Variants in NTN1 observed in about 807,000 individuals in gnomAD.
NTN1 encodes netrin 1, also known as netrin-1.
NTN1 carries 11 observed loss-of-function variants against 54.2 expected under a neutral mutation model. The ratio of observed to expected loss-of-function variants is 0.20; its 90% CI spans 0.13 to 0.34. NTN1 has a LOEUF of 0.34. NTN1 is among the 10% of genes least tolerant of loss of function. The pLI is 1.00. For missense variants in NTN1, 740 were observed against 893.1 expected (o/e 0.83, Z 2.18); for synonymous variants, 371 against 382.0 (o/e 0.97, Z 0.33).
chr17:9,230,166 A>G (rs1905757665), intron 6 of NTN1, among the ~76,000 whole-genome samples: 2 of 152,172 alleles, frequency 1.3e-5, no homozygotes, highest in Admixed American at 6.5e-5. Flanking sequence ...TGGACAGGTT[A>G]TCAGCCCCTT....
At chr17:9,075,642 G>A (rs1016951216) in intron 2 of NTN1, among the ~76,000 whole-genome samples, 5 of 152,220 alleles carry the variant, frequency 3.3e-5, no homozygotes, top group Admixed American at 6.5e-5. Context: ...CAAGCTCATC[G>A]TCATTGCCCC....
chr17:9,064,992 A>C (rs1244741680), intron 2 of NTN1, among the ~76,000 whole-genome samples: 1 of 152,126 alleles, frequency 6.6e-6, no homozygotes, highest in Non-Finnish European at 1.5e-5. Flanking sequence ...GCTGGAGTGC[A>C]GTGGTGCAAT....
intron 2 of NTN1, among the ~76,000 whole-genome samples, chr17:9,057,413 A>G (rs2091982792): frequency 1.3e-5 from 2 of 152,030 alleles, no homozygotes; most frequent in Admixed American, 6.6e-5. Flanking sequence ...TCTGTTTCCT[A>G]GTGATTGCCC....
At chr17:9,059,140 G>A (rs901871570) in intron 2 of NTN1, among the ~76,000 whole-genome samples, 1 of 152,050 alleles carries the variant, frequency 6.6e-6, no homozygotes, top group African/African-American at 2.4e-5. Context: ...CTACGTGGCC[G>A]GCACATGCTG....
intron 2 of NTN1, among the ~76,000 whole-genome samples, chr17:9,092,455 T>A (rs754378031): frequency 6.6e-6 from 1 of 150,516 alleles, no homozygotes; most frequent in Non-Finnish European, 1.5e-5. Context: ...GCCTGGGTAA[T>A]TTTTGTATTT....
Position 9,182,977 on chromosome 17 carries a change from G to T in NTN1, c.1411+8G>T, listed in dbSNP as rs374154654. ...GCGTGGAGGAGCCTGAAGGTAAACG[G>T]CCCCCTTCGCTTCTCATTTCCCGCT... is the stretch of plus-strand genomic sequence containing the variant. On this transcript the variant is annotated splice_region_variant and intron_variant, in intron 5 of 6. Coordinates refer to ENST00000173229, the MANE Select transcript of NTN1 (RefSeq NM_004822.3). The T allele has an allele frequency of 1.2e-5, 19 of 1,612,850 alleles. No individual in the cohort carries two copies. Among genetic ancestry groups the T allele is most frequent in the Non-Finnish European group, 1.6e-5 (19 of 1,179,410 alleles).
At chr17:9,164,298 G>T (rs367695474) in intron 3 of NTN1, among the ~76,000 whole-genome samples, 23 of 152,298 alleles carry the variant, frequency 1.5e-4, no homozygotes, top group Middle Eastern at 6.8e-3. Context: ...GGTGGCGGTT[G>T]CCTGTAATCC....
upstream of NTN1, among the ~76,000 whole-genome samples, chr17:9,021,296 C>T (rs1374645895): frequency 1.3e-5 from 2 of 151,978 alleles, no homozygotes; most frequent in Non-Finnish European, 2.9e-5. Context: ...GGGTGCTCTC[C>T]TCGCTTTCTC....
intron 2 of NTN1, among the ~76,000 whole-genome samples, chr17:9,039,605 C>T (rs993087092): frequency 7.2e-5 from 11 of 152,270 alleles, no homozygotes; most frequent in African/African-American, 2.6e-4. Flanking sequence ...TCACCACAAT[C>T]AAGATAAATA....
At chr17:9,115,319 G>A (rs1391657078) in intron 2 of NTN1, among the ~76,000 whole-genome samples, 1 of 152,228 alleles carries the variant, frequency 6.6e-6, no homozygotes, top group African/African-American at 2.4e-5. Context: ...ATAGGCAATG[G>A]AGGTGGTTTT....
intron 2 of NTN1, among the ~76,000 whole-genome samples, chr17:9,133,330 C>T (rs570551521): frequency 6.6e-6 from 1 of 152,336 alleles, no homozygotes; most frequent in African/African-American, 2.4e-5. Flanking sequence ...TGTGCCAAGA[C>T]CAGGAGGTCA....
chr17:9,214,463 T>G (rs1047241606), intron 5 of NTN1, among the ~76,000 whole-genome samples: 11 of 152,204 alleles, frequency 7.2e-5, no homozygotes, highest in African/African-American at 2.4e-4. Context: ...TTTCCACTCT[T>G]GGTTCGTTTC....
At chr17:9,092,314 C>T (rs997836656) in intron 2 of NTN1, among the ~76,000 whole-genome samples, 30 of 131,474 alleles carry the variant, frequency 2.3e-4, no homozygotes, top group Non-Finnish European at 3.8e-4. Context: ...ATTTTCTTTT[C>T]TTCTCTTTTT....
At chr17:9,017,051 A>G (rs117019043), upstream of NTN1, among the ~76,000 whole-genome samples, 2 of 152,312 alleles carry the variant, frequency 1.3e-5, no homozygotes, top group East Asian at 3.9e-4. Context: ...AGACACTTGG[A>G]GACCACCTGA....
At chr17:9,095,004 A>AAAAAAAAAG (rs1567709130) in intron 2 of NTN1, among the ~76,000 whole-genome samples, 2 of 151,022 alleles carry the variant, frequency 1.3e-5, no homozygotes, top group Non-Finnish European at 1.5e-5. Flanking sequence ...AAAAAAAAAA[A>AAAAAAAAAG]AAAAAAAAGA....
chr17:9,084,645 G>GTTTTTT (rs35003160), intron 2 of NTN1, among the ~76,000 whole-genome samples: 17 of 83,322 alleles, frequency 2.0e-4, no homozygotes, highest in Non-Finnish European at 2.6e-4. Flanking sequence ...GTTCTTTGCA[G>GTTTTTT]TTTTTTTTTT....
intron 2 of NTN1, among the ~76,000 whole-genome samples, chr17:9,157,252 A>G (rs981476239): frequency 2.0e-5 from 3 of 152,254 alleles, no homozygotes; most frequent in Non-Finnish European, 4.4e-5. Context: ...TGTTCCCTCC[A>G]TTAGATGGGG....
chr17:9,186,120 AT>A (rs975020388), intron 5 of NTN1, among the ~76,000 whole-genome samples: 1 of 152,108 alleles, frequency 6.6e-6, no homozygotes, highest in African/African-American at 2.4e-5. Context: ...GCTGGTAAGT[AT>A]TTAGCAACTG....
Position 9,162,807 on chromosome 17 carries a change from C to G in NTN1, c.1019-6C>G. The stretch of plus-strand genomic sequence containing the variant: ...GGCTGACACCTCTCTCTGTCTCCCC[C>G]TGCAGCCTGTAACTGCAACCTGCAT... On this transcript the variant is annotated splice_region_variant and splice_polypyrimidine_tract_variant and intron_variant, in intron 2 of 6. Coordinates refer to ENST00000173229, the MANE Select transcript of NTN1 (RefSeq NM_004822.3). 1 of 1,607,392 alleles carries G rather than the reference C, an allele frequency of 6.2e-7. No homozygotes were observed. Among genetic ancestry groups the G allele is most frequent in the Non-Finnish European group, 8.5e-7 (1 of 1,174,816 alleles).
Sources: gnomAD v4.1 joint callset for allele counts (sites outside exome capture counted in the v4.1 genomes callset) on GRCh38, gnomAD v4.1.1 for gene constraint, MANE v1.5 for transcripts, NCBI Gene and HGNC (gene_info 2026-07-23, HGNC 2026-07-21) for gene names.